The following SRP68 variants were observed in gnomAD, a reference collection of about 807,000 sequenced individuals.
SRP68 encodes the protein signal recognition particle subunit SRP68.
SRP68 carries 15 observed loss-of-function variants against 82.2 expected under a neutral mutation model. That is an observed-to-expected ratio of 0.18 (90% CI 0.12 to 0.28). The LOEUF (loss-of-function observed/expected upper bound fraction) is 0.28, where lower values mean the gene tolerates loss of function less well. Ranked by LOEUF, SRP68 falls within the 10% of genes least tolerant of loss-of-function variation. The pLI is 1.00. For synonymous variants in SRP68, 261 were observed against 292.6 expected, an observed-to-expected ratio of 0.89 and a Z score of 1.10; for missense variants, 595 against 780.5, an observed-to-expected ratio of 0.76 and a Z score of 2.83.
At chr17:76,047,784 G>T in intron 10 of SRP68, 122 bp downstream of exon 10, 1 of 342,378 alleles carries the variant, frequency 2.9e-6, no homozygotes, top group Non-Finnish European at 4.2e-6. Flanking sequence ...GCTAGATCCT[G>T]TCTCAAAAAA....
chr17:76,050,501 C>A lies in SRP68; in HGVS notation c.1004G>T (p.Arg335Leu). 1 of 1,613,520 alleles carries A rather than the reference C, an allele frequency of 6.2e-7. No homozygotes were observed. Among genetic ancestry groups the A allele is most frequent in the Non-Finnish European group, 8.5e-7 (1 of 1,179,790 alleles). Residue 335 changes from arginine to leucine, a missense_variant, in exon 9 of 16, where the codon CGC becomes CTC. Physicochemically the swap from Arg to Leu is moderately radical, Grantham distance 102 (BLOSUM62 -2). This residue lies in a region of SRP68 where 495 missense variants were observed against 688.6 expected (regional missense o/e 0.72). Coordinates refer to ENST00000307877, the MANE Select transcript of SRP68 (RefSeq NM_014230.4). ...CTCGCTGAGCATTGATTCAAACAGG[C>A]GCTCCTTAGTTTCTTCGCTTTCAGC... Reference protein sequence around the residue: ...VQAESEETKERLFESMLSECR... With the variant: ...VQAESEETKELLFESMLSECR...
intron 4 of SRP68, among the ~76,000 whole-genome samples, 184 bp downstream of exon 4, chr17:76,063,792 T>TA (rs1003947816): frequency 2.6e-5 from 4 of 151,532 alleles, no homozygotes; most frequent in Admixed American, 6.6e-5. Context: ...AAAAAAAGGA[T>TA]AAAAAAAATC....
intron 10 of SRP68, among the ~76,000 whole-genome samples, chr17:76,046,669 C>T (rs990229233): frequency 2.6e-5 from 4 of 151,956 alleles, no homozygotes; most frequent in African/African-American, 9.7e-5. Context: ...GGGCCAGGGG[C>T]AGTGGCTCCC....
chr17:76,040,405 T>A lies in SRP68; in HGVS notation c.1656+14A>T. 1 of 1,612,566 alleles carries A rather than the reference T, an allele frequency of 6.2e-7. No individual in the cohort carries two copies. Among genetic ancestry groups the A allele is most frequent in the African/African-American group, 1.3e-5 (1 of 75,034 alleles). On this transcript the variant is annotated intron_variant, in intron 15 of 15. Coordinates refer to ENST00000307877, the MANE Select transcript of SRP68 (RefSeq NM_014230.4). Reference sequence around the variant, plus strand: ...CCTGCTTCGTATTCCTCAAAAACCATGGCCCAGACTTACCTTATTGTCCTT... The same window carrying A: ...CCTGCTTCGTATTCCTCAAAAACCAAGGCCCAGACTTACCTTATTGTCCTT...
chr17:76,046,315 C>A (rs773097136), intron 10 of SRP68, 121 bp from the exon 11 acceptor site: 1 of 1,144,324 alleles, frequency 8.7e-7, no homozygotes, highest in Non-Finnish European at 1.3e-6. Flanking sequence ...GTGGCCACAG[C>A]AGGGCCATTT....
At chr17:76,046,995 C>A (rs1165338420) in intron 10 of SRP68, among the ~76,000 whole-genome samples, 2 of 152,110 alleles carry the variant, frequency 1.3e-5, no homozygotes, top group Non-Finnish European at 2.9e-5. Flanking sequence ...CTGGTCCCAG[C>A]TACTCAGGAG....
intron 2 of SRP68, among the ~76,000 whole-genome samples, chr17:76,068,231 G>A (rs925983659): frequency 6.6e-6 from 1 of 151,940 alleles, no homozygotes; most frequent in Non-Finnish European, 1.5e-5. Context: ...GGTGGGGGTT[G>A]CGTTGAGCCA....
In SRP68 at chr17:76,062,587, A is replaced by ATATATAATATACATTATATAT. The variant is rs1567934808; in HGVS notation, c.562-1034_562-1014dup. On this transcript the variant is annotated intron_variant, in intron 4 of 15. Coordinates refer to ENST00000307877, the MANE Select transcript of SRP68 (RefSeq NM_014230.4). ...TATATTATATAATATACATTATATA[A>ATATATAATATACATTATATAT]TATATAATATACATTATATATTATA... Among the ~76,000 whole-genome samples the ATATATAATATACATTATATAT allele has an allele frequency of 5.2e-3, 161 of 31,206 alleles. 31 individuals are homozygous for ATATATAATATACATTATATAT. The East Asian group carries it at 0.085, about 16-fold the overall frequency. 20.5% of individuals were successfully genotyped at this position (31,206 alleles called of 152,430 possible).
chr17:76,059,519 C>T (rs890133798), intron 7 of SRP68, among the ~76,000 whole-genome samples: 2 of 151,820 alleles, frequency 1.3e-5, no homozygotes, highest in Admixed American at 6.6e-5. Flanking sequence ...TCCAGCCTGG[C>T]GATAGAGCAA....
chr17:76,039,698 G>GAGCC lies in SRP68; in HGVS notation c.*4_*7dup. 5 of 1,608,812 alleles carry GAGCC rather than the reference G, an allele frequency of 3.1e-6. No homozygotes were observed. Among genetic ancestry groups the GAGCC allele is most frequent in the Non-Finnish European group, 4.3e-6 (5 of 1,175,378 alleles). The stretch of plus-strand genomic sequence containing the variant: ...CAGAATCTCCCCCGCCCCCGAGGAA[G>GAGCC]AGCCTGGTTAGCTCCTGAATCCAAA... On this transcript the variant is annotated 3_prime_UTR_variant, in exon 16 of 16. Transcript: ENST00000307877.
chr17:76,047,946 CT>C lies in SRP68; in HGVS notation c.1101del (p.Gly368GlufsTer16). 6.3e-7 allele frequency: 1 copy of C among 1,578,824 alleles called. No homozygotes were observed. The highest frequency in any genetic ancestry group is 8.6e-7 in the Non-Finnish European group (1 of 1,159,838). On this transcript the variant is annotated frameshift_variant, in exon 10 of 16. Coordinates refer to ENST00000307877, the MANE Select transcript of SRP68 (RefSeq NM_014230.4). LOFTEE classifies it high-confidence loss of function. ...AGATTAGACACCTTCCCTGGCTCTC[CT>C]TCAAGGATATAATCTCTCTGTTTCT... ...PDQKQRDYIL[E>X]GEPGKVSNLQ... is the part of the protein sequence containing the mutation.
chr17:76,070,234 A>AAC, intron 2 of SRP68, 144 bp downstream of exon 2: 23 of 704,648 alleles, frequency 3.3e-5, no homozygotes, highest in Admixed American at 5.9e-5. Flanking sequence ...AAAAAAAAAA[A>AAC]AAAAACAAAG....
intron 4 of SRP68, among the ~76,000 whole-genome samples, chr17:76,061,983 TAAA>T (rs1238292126): frequency 6.7e-6 from 1 of 148,922 alleles, no homozygotes; most frequent in Admixed American, 6.7e-5. Context: ...TACCAAAAAT[TAAA>T]AAAAAATTAC....
chr17:76,041,763 G>A lies in SRP68; in HGVS notation c.1525-785C>T, dbSNP rs542747823. 2.6e-5 allele frequency: 4 copies of A among 152,274 alleles called. No individual in the cohort carries two copies. In the East Asian group the frequency reaches 7.7e-4, roughly 29 times the overall value. 9.4% of individuals were successfully genotyped at this position (152,274 alleles called of 1,614,324 possible). ...TAGGTGGGCTCCTGCATGCCAGTCT[G>A]TGGCTACAACAAAACTACAAGCTCT... On this transcript the variant is annotated intron_variant, in intron 13 of 15. Transcript: ENST00000307877.
chr17:76,059,535 C>T lies in SRP68; in HGVS notation c.837+773G>A, dbSNP rs190496268. On this transcript the variant is annotated intron_variant, in intron 7 of 15. Transcript: ENST00000307877. Reference sequence around the variant, plus strand: ...CCAGCCTGGCGATAGAGCAAGACTCCGACTCTAAATAAATAAATAAATATG... The same window carrying T: ...CCAGCCTGGCGATAGAGCAAGACTCTGACTCTAAATAAATAAATAAATATG... Among the ~76,000 whole-genome samples, 27 of 152,040 alleles carry T rather than the reference C, an allele frequency of 1.8e-4. 1 individual carries two copies. Among genetic ancestry groups the T allele is most frequent in the East Asian group, 1.9e-4 (1 of 5,160 alleles).
At chr17:76,047,216 C>T (rs1461048978) in intron 10 of SRP68, among the ~76,000 whole-genome samples, 1 of 152,036 alleles carries the variant, frequency 6.6e-6, no homozygotes, top group Non-Finnish European at 1.5e-5. Context: ...TCCCTGGGCT[C>T]AGGGGATCCT....
chr17:76,055,421 A>G (rs1171634504), intron 8 of SRP68, among the ~76,000 whole-genome samples: 2 of 152,006 alleles, frequency 1.3e-5, no homozygotes, highest in Non-Finnish European at 2.9e-5. Flanking sequence ...GTAGTCTTTT[A>G]TCTCTCACTC....
At chr17:76,045,046 A>C in intron 12 of SRP68, 1 of 359,480 alleles carries the variant, frequency 2.8e-6, no homozygotes. Flanking sequence ...CCAGCGAGGA[A>C]GCCAAGTTTA....
intron 12 of SRP68, 122 bp from the exon 13 acceptor site, chr17:76,044,080 C>T (rs1353212596): frequency 9.4e-7 from 1 of 1,069,430 alleles, no homozygotes; most frequent in African/African-American, 1.6e-5. Flanking sequence ...GGGATCACCG[C>T]ATGGGAGCCC....
Sources: allele counts gnomAD v4.1 joint callset (sites outside exome capture counted in the v4.1 genomes callset), GRCh38; gene constraint gnomAD v4.1.1; regional missense constraint gnomAD v4.1.1; transcripts MANE v1.5; gene names NCBI Gene and HGNC (gene_info 2026-07-23, HGNC 2026-07-21).